The following ANK2 variants were observed in gnomAD, a reference collection of about 807,000 sequenced individuals.
ANK2 encodes ankyrin 2.
Under a neutral mutation model 360.5 loss-of-function variants are expected in ANK2, and 83 were observed. That is an observed-to-expected ratio of 0.23 (90% CI 0.19 to 0.28). ANK2 has a LOEUF of 0.28. ANK2 is among the 10% of genes least tolerant of loss of function. The pLI is 1.00. For synonymous variants in ANK2, 1,740 were observed against 1,759.5 expected, an observed-to-expected ratio of 0.99 and a Z score of 0.28; for missense variants, 4,201 against 4,795.7, an observed-to-expected ratio of 0.88 and a Z score of 3.66.
At position 112,848,220 on chromosome 4, in the gene ANK2, G is replaced by GT. The variant is rs560011503; in HGVS notation, c.-40+29958dup. ...GGGTCACTCCACCTCCACCTCCTGG[G>GT]TTCAAGCGATTCACCTGTAGCTTCC... On this transcript the variant is annotated intron_variant, in intron 1 of 30. Coordinates refer to the ANK2 transcript ENST00000503271. Among the ~76,000 whole-genome samples, 813 of 152,214 alleles carry GT rather than the reference G, an allele frequency of 5.3e-3. 5 individuals are homozygous for GT. The highest frequency in any genetic ancestry group is 0.018 in the African/African-American group (766 of 41,528).
At chr4:112,819,611 A>C (rs2056406708) in intron 1 of ANK2, among the ~76,000 whole-genome samples, 1 of 152,194 alleles carries the variant, frequency 6.6e-6, no homozygotes, top group African/African-American at 2.4e-5. Flanking sequence ...TGTTGTGAAC[A>C]TGGATGATTC....
intron 4 of ANK2, among the ~76,000 whole-genome samples, chr4:113,230,153 G>A (rs764895860): frequency 2.0e-5 from 3 of 151,876 alleles, no homozygotes; most frequent in Non-Finnish European, 2.9e-5. Flanking sequence ...ATCCTACAAC[G>A]TTGTTAATTC....
At chr4:113,241,514 ATT>A (rs1157678518) in intron 8 of ANK2, among the ~76,000 whole-genome samples, 3 of 151,974 alleles carry the variant, frequency 2.0e-5, no homozygotes, top group Non-Finnish European at 4.4e-5. Context: ...ATTTTTTAAA[ATT>A]TTTTGTAGCG....
At chr4:112,769,744 C>T in the ANK2 span, among the ~76,000 whole-genome samples, 1 of 152,146 alleles carries the variant, frequency 6.6e-6, no homozygotes, top group Non-Finnish European at 1.5e-5. Context: ...GTAGATGGCC[C>T]TCCCCAGTGT....
chr4:112,796,306 C>G, the ANK2 span, among the ~76,000 whole-genome samples: 1 of 151,790 alleles, frequency 6.6e-6, no homozygotes, highest in Non-Finnish European at 1.5e-5. Context: ...GCCTGTAATC[C>G]CAGCTACTCG....
intron 2 of ANK2, among the ~76,000 whole-genome samples, chr4:113,010,278 C>G (rs2054288158): frequency 6.6e-6 from 1 of 152,070 alleles, no homozygotes; most frequent in South Asian, 2.1e-4. Flanking sequence ...TACTACAAAA[C>G]CAATATATTT....
chr4:113,204,663 A>G (rs1173700005), intron 4 of ANK2, among the ~76,000 whole-genome samples: 1 of 152,194 alleles, frequency 6.6e-6, no homozygotes, highest in Non-Finnish European at 1.5e-5. Flanking sequence ...TGAAGCCACA[A>G]ACCTGTGGTC....
intron 1 of ANK2, among the ~76,000 whole-genome samples, chr4:112,824,327 A>G (rs1410907596): frequency 6.6e-6 from 1 of 151,904 alleles, no homozygotes; most frequent in Admixed American, 6.6e-5. Flanking sequence ...TTACAAGACT[A>G]CAGGAGAGTG....
chr4:113,285,787 T>G (rs1310313409), intron 18 of ANK2, among the ~76,000 whole-genome samples: 1 of 152,170 alleles, frequency 6.6e-6, no homozygotes, highest in Non-Finnish European at 1.5e-5. Context: ...GAGGGAAGAT[T>G]AGAGCCTAGC....
rs201529603 is a variant in ANK2 at position 112,938,517 on chromosome 4, TTTG to T, written c.21+34006_21+34008del. Among the ~76,000 whole-genome samples the T allele has an allele frequency of 3.2e-3, 481 of 152,126 alleles. 2 individuals carry two copies. Among genetic ancestry groups the T allele is most frequent in the African/African-American group, 9.1e-3 (375 of 41,408 alleles). ...TTTTATCTAATCTTTCTGTATATTTTTTGTTTTCCCCAAAATGATATATTTTAA... is the reference window on the plus strand; with the variant it reads ...TTTTATCTAATCTTTCTGTATATTTTTTTTCCCCAAAATGATATATTTTAA... On this transcript the variant is annotated intron_variant, in intron 2 of 30. Coordinates refer to the ANK2 transcript ENST00000503271.
intron 1 of ANK2, among the ~76,000 whole-genome samples, chr4:112,858,220 A>G (rs1407327869): frequency 1.5e-5 from 2 of 136,428 alleles, no homozygotes; most frequent in African/African-American, 5.9e-5. Context: ...ATAAACTCCT[A>G]GTAAGTGACA....
At chr4:113,285,913 G>C (rs567417329) in intron 18 of ANK2, among the ~76,000 whole-genome samples, 1 of 152,166 alleles carries the variant, frequency 6.6e-6, no homozygotes, top group Non-Finnish European at 1.5e-5. Flanking sequence ...AACGGCTATG[G>C]GAGTTATGAG....
intron 1 of ANK2, among the ~76,000 whole-genome samples, chr4:113,093,315 C>T (rs67642523): frequency 0.19 from 29,307 of 152,010 alleles, 3,739 homozygotes; most frequent in Non-Finnish European, 0.29. Context: ...ATCCCAAATC[C>T]ATTATTTATA....
At chr4:112,712,223 G>T in the ANK2 span, among the ~76,000 whole-genome samples, 2 of 149,676 alleles carry the variant, frequency 1.3e-5, no homozygotes, top group Non-Finnish European at 3.0e-5. Flanking sequence ...GGGACTACAG[G>T]CATGTGCCAC....
chr4:112,917,396 ATACT>A (rs546923730), intron 2 of ANK2, among the ~76,000 whole-genome samples: 93 of 152,354 alleles, frequency 6.1e-4, no homozygotes, highest in African/African-American at 2.2e-3. Context: ...CTGAAGCAAT[ATACT>A]TATCCTCCAC....
At chr4:113,233,780 T>A (rs534355517) in intron 5 of ANK2, among the ~76,000 whole-genome samples, 1 of 152,304 alleles carries the variant, frequency 6.6e-6, no homozygotes, top group South Asian at 2.1e-4. Context: ...TACCTATGAC[T>A]GGAAAACACA....
intron 2 of ANK2, among the ~76,000 whole-genome samples, chr4:112,962,050 ATGGGAATTTATT>A (rs1561304026): frequency 6.6e-6 from 1 of 152,146 alleles, no homozygotes; most frequent in African/African-American, 2.4e-5. Flanking sequence ...CTTTTAGAGA[ATGGGAATTTATT>A]TGTTTCTATT....
intron 1 of ANK2, among the ~76,000 whole-genome samples, chr4:113,123,014 A>T (rs1234429679): frequency 6.6e-6 from 1 of 151,690 alleles, no homozygotes; most frequent in Non-Finnish European, 1.5e-5. Flanking sequence ...CAATTGTGGC[A>T]AAAATAGTCC....
chr4:113,140,799 T>C (rs1252992575), intron 1 of ANK2, among the ~76,000 whole-genome samples: 1 of 152,016 alleles, frequency 6.6e-6, no homozygotes, highest in East Asian at 1.9e-4. Context: ...ACCAACATGG[T>C]GAAACCCTGT....
Sources: gnomAD v4.1 joint callset for allele counts (sites outside exome capture counted in the v4.1 genomes callset) on GRCh38, gnomAD v4.1.1 for gene constraint, MANE v1.5 for transcripts, NCBI Gene and HGNC (gene_info 2026-07-23, HGNC 2026-07-21) for gene names.